The following NEXMIF variants were observed in gnomAD, a reference collection of about 807,000 sequenced individuals.
NEXMIF encodes neurite extension and migration factor, also known as XLMR protein related to neurite extension.
Under a neutral mutation model 62.1 loss-of-function variants are expected in NEXMIF, and 8 were observed. That is an observed-to-expected ratio of 0.13 (90% CI 0.08 to 0.23). The LOEUF (loss-of-function observed/expected upper bound fraction) is 0.23. NEXMIF is among the 10% of genes least tolerant of loss of function. The probability of loss-of-function intolerance (pLI) is 1.00; values close to 1 mark genes in which losing one functional copy is unlikely to be tolerated. For missense variants in NEXMIF, 976 were observed against 1,113.3 expected (o/e 0.88, Z 1.75); for synonymous variants, 404 against 416.6 (o/e 0.97, Z 0.37).
chrX:74,834,245 G>T (rs1463649540), intron 1 of NEXMIF, among the ~76,000 whole-genome samples: 4 of 110,089 alleles, frequency 3.6e-5, no homozygotes, highest in African/African-American at 1.3e-4. Flanking sequence ...GTGTCTTGTT[G>T]TATTGTCTAT....
intron 1 of NEXMIF, among the ~76,000 whole-genome samples, chrX:74,806,600 CA>C (rs2080345513): frequency 9.0e-6 from 1 of 111,567 alleles, no homozygotes; most frequent in Non-Finnish European, 1.9e-5. Context: ...AAAAACTAAT[CA>C]AAAAAATAAA....
intron 1 of NEXMIF, among the ~76,000 whole-genome samples, chrX:74,788,249 T>C (rs964809666): frequency 1.7e-4 from 19 of 111,942 alleles, no homozygotes. Flanking sequence ...ACTAAATATC[T>C]ACCTCTCCTG....
intron 1 of NEXMIF, among the ~76,000 whole-genome samples, chrX:74,896,946 TAACCA>T (rs1404108227): frequency 3.6e-5 from 4 of 112,280 alleles, no homozygotes; most frequent in Non-Finnish European, 7.5e-5. Context: ...TTCCCAAAGC[TAACCA>T]TATGCTTTCT....
At chrX:74,833,425 G>T (rs2080445511) in intron 1 of NEXMIF, among the ~76,000 whole-genome samples, 1 of 111,654 alleles carries the variant, frequency 9.0e-6, no homozygotes, top group South Asian at 3.8e-4. Context: ...CCATTGGCAT[G>T]AAATATCTTT....
In NEXMIF at chrX:74,883,216, C is replaced by T. The variant is rs778365733; in HGVS notation, c.-48+41667G>A. On this transcript the variant is annotated intron_variant, in intron 1 of 3. Transcript: ENST00000055682. ...AGGGAAAAAAACAGAGCAGAAAAAC[C>T]GGAAACTCTAAAAATCAGAGTGCCT... Among the ~76,000 whole-genome samples the T allele has an allele frequency of 3.0e-3, 333 of 111,384 alleles. 2 individuals are homozygous for T. The highest frequency in any genetic ancestry group is 0.01 in the African/African-American group (316 of 30,647).
intron 1 of NEXMIF, among the ~76,000 whole-genome samples, chrX:74,898,791 G>A (rs2080740247): frequency 2.7e-5 from 3 of 111,046 alleles, no homozygotes; most frequent in African/African-American, 9.8e-5. Flanking sequence ...AAAGTTGCAG[G>A]ATACAAAATC....
chrX:74,742,768 T>C lies in NEXMIF; in HGVS notation c.1789A>G (p.Thr597Ala), dbSNP rs752183295. ...FWQKKKKQRN[T>A]NTDSIKTPFS... Reference sequence around the variant, plus strand: ...GGTGTCTTGATGGAGTCCGTGTTGGTGTTTCTCTGCTTCTTCTTCTTTTGC... The same window carrying C: ...GGTGTCTTGATGGAGTCCGTGTTGGCGTTTCTCTGCTTCTTCTTCTTTTGC... The change falls in exon 3 of 4, where the codon ACC (threonine) becomes GCC (alanine). Residue 597 changes from threonine to alanine, a missense_variant. Thr to Ala is a moderately conservative substitution (Grantham distance 58, BLOSUM62 0). This residue lies in a region of NEXMIF where 639 missense variants were observed against 694.5 expected (regional missense o/e 0.92). Transcript: ENST00000055682. The C allele has an allele frequency of 3.3e-6, 4 of 1,211,259 alleles. No individual in the cohort carries two copies. Among genetic ancestry groups the C allele is most frequent in the Non-Finnish European group, 4.5e-6 (4 of 895,379 alleles).
intron 1 of NEXMIF, among the ~76,000 whole-genome samples, chrX:74,761,949 T>C (rs1291680461): frequency 9.0e-6 from 1 of 111,617 alleles, no homozygotes; most frequent in Non-Finnish European, 1.9e-5. Context: ...AAATTCTGCC[T>C]CAATTTCTTT....
At chrX:74,795,871 T>C (rs985582028) in intron 1 of NEXMIF, among the ~76,000 whole-genome samples, 1 of 106,949 alleles carries the variant, frequency 9.4e-6, no homozygotes, top group African/African-American at 3.4e-5. Flanking sequence ...TAACCATACA[T>C]AAACACTGTA....
intron 1 of NEXMIF, among the ~76,000 whole-genome samples, chrX:74,873,087 C>T (rs2080610313): frequency 9.1e-6 from 1 of 109,379 alleles, no homozygotes; most frequent in Non-Finnish European, 1.9e-5. Flanking sequence ...TGCGCTGCAC[C>T]CACTAACTCG....
At chrX:74,888,466 C>G (rs370852995) in intron 1 of NEXMIF, among the ~76,000 whole-genome samples, 2 of 109,591 alleles carry the variant, frequency 1.8e-5, no homozygotes, top group Non-Finnish European at 3.8e-5. Context: ...ACTGCATGTT[C>G]TCACTCATAA....
intron 1 of NEXMIF, among the ~76,000 whole-genome samples, chrX:74,761,112 C>T (rs553051401): frequency 7.3e-5 from 8 of 110,117 alleles, no homozygotes; most frequent in African/African-American, 1.7e-4. Context: ...TCAAGTGATC[C>T]GCCCGCCTCG....
chrX:74,855,327 C>G (rs766869112), intron 1 of NEXMIF, among the ~76,000 whole-genome samples: 1 of 111,961 alleles, frequency 8.9e-6, no homozygotes, highest in Non-Finnish European at 1.9e-5. Context: ...ATACTCTCTT[C>G]AATACATGTT....
chrX:74,849,210 T>C (rs2080504741), intron 1 of NEXMIF, among the ~76,000 whole-genome samples: 1 of 112,193 alleles, frequency 8.9e-6, no homozygotes, highest in Non-Finnish European at 1.9e-5. Flanking sequence ...AATCACACTT[T>C]GAATTGATCA....
intron 1 of NEXMIF, among the ~76,000 whole-genome samples, chrX:74,761,838 C>T (rs187619359): frequency 5.8e-4 from 64 of 111,009 alleles, no homozygotes; most frequent in African/African-American, 1.9e-3. Flanking sequence ...TTCTAGCTTT[C>T]TGATGTGGGC....
intron 1 of NEXMIF, among the ~76,000 whole-genome samples, chrX:74,858,154 G>A (rs931719219): frequency 5.4e-5 from 6 of 111,663 alleles, no homozygotes; most frequent in African/African-American, 2.0e-4. Context: ...GTAGAGCTCT[G>A]CGACCTTAAG....
At chrX:74,839,529 C>T (rs1408738871) in intron 1 of NEXMIF, among the ~76,000 whole-genome samples, 1 of 111,632 alleles carries the variant, frequency 9.0e-6, no homozygotes, top group Non-Finnish European at 1.9e-5. Context: ...AAGCCCAGTA[C>T]CCAATAGTTA....
intron 1 of NEXMIF, among the ~76,000 whole-genome samples, chrX:74,924,349 C>A (rs1210385006): frequency 8.9e-6 from 1 of 112,681 alleles, no homozygotes; most frequent in Non-Finnish European, 1.9e-5. Flanking sequence ...CCAACTTAAA[C>A]CTGTCCGCAG....
At chrX:74,814,078 AG>A (rs2080368534) in intron 1 of NEXMIF, among the ~76,000 whole-genome samples, 1 of 111,814 alleles carries the variant, frequency 8.9e-6, no homozygotes, top group Non-Finnish European at 1.9e-5. Context: ...AATGGACAAC[AG>A]GTTACCTGTT....
Sources: gnomAD v4.1 joint callset for allele counts (sites outside exome capture counted in the v4.1 genomes callset) on GRCh38, gnomAD v4.1.1 for gene constraint, gnomAD v4.1.1 regional missense constraint, MANE v1.5 for transcripts, NCBI Gene and HGNC (gene_info 2026-07-23, HGNC 2026-07-21) for gene names.